The following NEK11 variants were observed in gnomAD, a reference collection of about 807,000 sequenced individuals.
The protein encoded by NEK11 is NIMA related kinase 11.
NEK11 carries 72 observed loss-of-function variants against 80.7 expected under a neutral mutation model. The observed-to-expected ratio is 0.89, with a 90% CI of 0.74 to 1.08. NEK11 has a LOEUF of 1.08. NEK11 is among the 50% of genes least tolerant of loss of function. The probability of loss-of-function intolerance (pLI) is 0.00; values close to 1 mark genes in which losing one functional copy is unlikely to be tolerated. For missense variants in NEK11, 764 were observed against 763.6 expected (o/e 1.00, Z -0.01); for synonymous variants, 251 against 260.7 (o/e 0.96, Z 0.36).
At chr3:131,263,919 A>G (rs2095989425) in intron 16 of NEK11, among the ~76,000 whole-genome samples, 1 of 152,112 alleles carries the variant, frequency 6.6e-6, no homozygotes, top group Non-Finnish European at 1.5e-5. Flanking sequence ...CTGCTGTGAG[A>G]TGGTATCTCA....
intron 16 of NEK11, among the ~76,000 whole-genome samples, chr3:131,255,099 A>G (rs1004381774): frequency 2.7e-5 from 4 of 150,556 alleles, no homozygotes; most frequent in South Asian, 4.2e-4. Context: ...AAAGAAAGAA[A>G]GAAAGAAAGA....
intron 14 of NEK11, among the ~76,000 whole-genome samples, chr3:131,210,129 A>G (rs1358406742): frequency 6.6e-6 from 1 of 152,192 alleles, no homozygotes; most frequent in African/African-American, 2.4e-5. Flanking sequence ...TTAGTGCTTT[A>G]AATTTCCCTC....
chr3:131,207,972 C>T (rs533110106), intron 14 of NEK11, among the ~76,000 whole-genome samples: 22 of 152,064 alleles, frequency 1.4e-4, no homozygotes, highest in Non-Finnish European at 2.5e-4. Context: ...TAGTTTAATT[C>T]GATCCCATTT....
At chr3:131,200,854 G>C (rs967882801) in intron 14 of NEK11, among the ~76,000 whole-genome samples, 1 of 152,168 alleles carries the variant, frequency 6.6e-6, no homozygotes, top group Admixed American at 6.5e-5. Context: ...TCAGTGATTG[G>C]CTTTCTGTGC....
At chr3:131,296,403 T>C (rs2109061834) in intron 17 of NEK11, among the ~76,000 whole-genome samples, 1 of 152,298 alleles carries the variant, frequency 6.6e-6, no homozygotes, top group East Asian at 1.9e-4. Flanking sequence ...CCTTCATCGA[T>C]TCTTTCTTCA....
At chr3:131,336,832 G>A (rs1386430429) in intron 17 of NEK11, among the ~76,000 whole-genome samples, 1 of 152,192 alleles carries the variant, frequency 6.6e-6, no homozygotes, top group African/African-American at 2.4e-5. Context: ...CTCAAAAGAA[G>A]ACATTTATGC....
At chr3:131,123,628 T>C (rs1392027902) in intron 5 of NEK11, among the ~76,000 whole-genome samples, 1 of 152,112 alleles carries the variant, frequency 6.6e-6, no homozygotes, top group African/African-American at 2.4e-5. Flanking sequence ...GTTACTAATT[T>C]ATATATTTAT....
At chr3:131,286,521 TA>T (rs1466992597) in intron 17 of NEK11, among the ~76,000 whole-genome samples, 56 of 152,338 alleles carry the variant, frequency 3.7e-4, no homozygotes, top group African/African-American at 1.3e-3. Context: ...ATGATAAAAT[TA>T]AATAAATGGA....
At chr3:131,122,099 C>A (rs537290379) in intron 5 of NEK11, among the ~76,000 whole-genome samples, 1 of 152,152 alleles carries the variant, frequency 6.6e-6, no homozygotes, top group African/African-American at 2.4e-5. Flanking sequence ...TGTTCCTATT[C>A]GGCCATCTTG....
chr3:131,314,607 G>A (rs1265573201), intron 17 of NEK11, among the ~76,000 whole-genome samples: 2 of 152,174 alleles, frequency 1.3e-5, no homozygotes, highest in Non-Finnish European at 2.9e-5. Flanking sequence ...ATCACAAGGT[G>A]GCATACAGAA....
intron 17 of NEK11, among the ~76,000 whole-genome samples, chr3:131,310,014 A>AAAC (rs2096764216): frequency 6.1e-5 from 9 of 147,166 alleles, no homozygotes. Context: ...AAAAAAAAAA[A>AAAC]AAAAAAAAAC....
intron 14 of NEK11, among the ~76,000 whole-genome samples, chr3:131,193,488 A>G (rs1261345097): frequency 6.6e-6 from 1 of 152,152 alleles, no homozygotes; most frequent in Non-Finnish European, 1.5e-5. Context: ...TAATTTCTCC[A>G]TTTGTTCTGC....
At chr3:131,251,352 T>A (rs1301179191) in intron 16 of NEK11, among the ~76,000 whole-genome samples, 1 of 151,976 alleles carries the variant, frequency 6.6e-6, no homozygotes, top group Non-Finnish European at 1.5e-5. Flanking sequence ...AGAAGTCAAT[T>A]TTTAAAAAGA....
At chr3:131,284,665 C>CA (rs1462224135) in intron 17 of NEK11, among the ~76,000 whole-genome samples, 1 of 152,192 alleles carries the variant, frequency 6.6e-6, no homozygotes, top group Non-Finnish European at 1.5e-5. Flanking sequence ...CAGCTGCCAG[C>CA]ATGGCTAGAA....
At chr3:131,145,384 C>T (rs774163454) in intron 7 of NEK11, among the ~76,000 whole-genome samples, 2 of 152,108 alleles carry the variant, frequency 1.3e-5, no homozygotes, top group Non-Finnish European at 2.9e-5. Context: ...GATCAATTCA[C>T]TGTTAATAGA....
chr3:131,027,623 A>C (rs541373180), intron 1 of NEK11: 2 of 152,238 alleles, frequency 1.3e-5, no homozygotes, highest in Non-Finnish European at 2.9e-5. Context: ...GTTCACTCAA[A>C]CCTCGAGGGG....
At chr3:131,174,766 G>C in intron 14 of NEK11, 1 of 1,609,170 alleles carries the variant, frequency 6.2e-7, no homozygotes, top group Non-Finnish European at 8.5e-7. Context: ...TTATTTTTTA[G>C]CAACTCACAG....
At chr3:131,098,177 C>T (rs369817694) in intron 4 of NEK11, among the ~76,000 whole-genome samples, 3 of 152,084 alleles carry the variant, frequency 2.0e-5, no homozygotes, top group South Asian at 2.1e-4. Flanking sequence ...AAGACTTAAA[C>T]GTTAGACCTA....
chr3:131,034,666 C>A (rs1364897330), intron 3 of NEK11, among the ~76,000 whole-genome samples: 1 of 152,184 alleles, frequency 6.6e-6, no homozygotes, highest in Non-Finnish European at 1.5e-5. Context: ...GGATTACAGG[C>A]GTGAGCCACC....
Sources: gnomAD v4.1 joint callset for allele counts (sites outside exome capture counted in the v4.1 genomes callset) on GRCh38, gnomAD v4.1.1 for gene constraint, MANE v1.5 for transcripts, NCBI Gene and HGNC (gene_info 2026-07-23, HGNC 2026-07-21) for gene names.